Variants in C6orf89 observed in about 807,000 individuals in gnomAD.
C6orf89 encodes chromosome 6 open reading frame 89.
Under a neutral mutation model 40.7 loss-of-function variants are expected in C6orf89, and 29 were observed. That is an observed-to-expected ratio of 0.71 (90% confidence interval 0.53 to 0.97). The LOEUF (loss-of-function observed/expected upper bound fraction) is 0.97, where lower values mean the gene tolerates loss of function less well. Among genes scored for constraint, C6orf89 ranks in the 50% least tolerant of loss-of-function variants. The pLI is 0.00. For synonymous variants in C6orf89, 165 were observed against 152.2 expected (o/e 1.08, Z -0.62); for missense variants, 392 against 429.1 (o/e 0.91, Z 0.76).
upstream of C6orf89, among the ~76,000 whole-genome samples, chr6:36,884,563 G>A (rs1774910137): frequency 6.6e-6 from 1 of 152,192 alleles, no homozygotes; most frequent in Admixed American, 6.5e-5. This position sits in a 1 kb window ranked among gnomAD's most constrained non-coding sequence, Gnocchi z 4.0. Context: ...TGAAAGAAAT[G>A]TGTGACCATG....
At chr6:36,921,765 C>T (rs974146009) in intron 8 of C6orf89, among the ~76,000 whole-genome samples, 1 of 152,138 alleles carries the variant, frequency 6.6e-6, no homozygotes, top group Non-Finnish European at 1.5e-5. Context: ...GGGTAGCTCA[C>T]ACCTATAATC....
intron 1 of C6orf89, chr6:36,874,780 C>G (rs1195491799): frequency 6.2e-7 from 1 of 1,614,034 alleles, no homozygotes; most frequent in South Asian, 1.1e-5. Context: ...CATAGCGAAG[C>G]CGGCGGCGGA....
chr6:36,897,603 T>C (rs541678635), intron 2 of C6orf89, among the ~76,000 whole-genome samples: 2 of 152,300 alleles, frequency 1.3e-5, no homozygotes, highest in African/African-American at 4.8e-5. Context: ...CCATTAGAAG[T>C]CTTCTGATTC....
chr6:36,885,973 G>T lies in C6orf89; in HGVS notation c.-175G>T. ...AAACAGGAAGTTGCCCATCCTCCTC[G>T]CCCGGCGGCAGCTGTCCCCGAGGCG... On this transcript the variant is annotated 5_prime_UTR_variant, in exon 1 of 9. Transcript: ENST00000480824. 2.4e-6 allele frequency: 3 copies of T among 1,264,396 alleles called. No homozygotes were observed. Among genetic ancestry groups the T allele is most frequent in the Non-Finnish European group, 3.0e-6 (3 of 1,003,372 alleles). 78.3% of individuals were successfully genotyped at this position (1,264,396 alleles called of 1,614,324 possible). A position where few individuals can be genotyped will look rare whatever the true frequency, so the allele number is the denominator to read the frequency against.
intron 1 of C6orf89, chr6:36,874,790 A>T (rs370416380): frequency 2.7e-5 from 44 of 1,613,758 alleles, no homozygotes; most frequent in Non-Finnish European, 3.7e-5. Context: ...CCGGCGGCGG[A>T]ATGCTTGTCT....
intron 3 of C6orf89, 102 bp from the exon 4 acceptor site, chr6:36,902,119 C>T: frequency 1.1e-6 from 1 of 928,308 alleles, no homozygotes; most frequent in Admixed American, 2.1e-5. Flanking sequence ...GTTCTTAAGG[C>T]ACATTGGAAG....
chr6:36,885,548 C>CA (rs1449213566), upstream of C6orf89, among the ~76,000 whole-genome samples: 9 of 152,108 alleles, frequency 5.9e-5, no homozygotes, highest in Non-Finnish European at 1.3e-4. Flanking sequence ...GGGATTTGTT[C>CA]GTCTTTCTCA....
At chr6:36,873,447 C>A (rs1014172979) in intron 1 of C6orf89, among the ~76,000 whole-genome samples, 1 of 152,088 alleles carries the variant, frequency 6.6e-6, no homozygotes, top group Non-Finnish European at 1.5e-5. Context: ...ATCATATGAT[C>A]CCATTTTTTT....
chr6:36,899,610 C>T lies in C6orf89; in HGVS notation c.166C>T (p.Pro56Ser), dbSNP rs1761584555. 1.9e-6 allele frequency: 3 copies of T among 1,614,008 alleles called. No homozygotes were observed. Among genetic ancestry groups the T allele is most frequent in the African/African-American group, 1.3e-5 (1 of 74,898 alleles). Residue 56 changes from proline (P) to serine (S), a missense_variant, in exon 3 of 9, where the codon CCT (proline) becomes TCT (serine). Physicochemically the swap from Pro to Ser is moderately conservative, Grantham distance 74. Coordinates refer to ENST00000480824, the MANE Select transcript of C6orf89 (RefSeq NM_001286635.2). ...NEPQRPPPQY[P>S]LLIVVYKVLA... ...ACCTCAGAGACCCCCCCCGCAGTATCCTCTCCTTATAGTTGTGTATAAGGT... is the reference window on the plus strand; with the variant it reads ...ACCTCAGAGACCCCCCCCGCAGTATTCTCTCCTTATAGTTGTGTATAAGGT...
chr6:36,889,057 G>C lies in C6orf89; in HGVS notation c.-120+3029G>C, dbSNP rs182014672. On this transcript the variant is annotated intron_variant, in intron 1 of 8. Coordinates refer to ENST00000480824, the MANE Select transcript of C6orf89 (RefSeq NM_001286635.2). ...CTAGAGAGAGTTGTAGACTGGAGAAGAGATTTGGGAATCACCAATAGCTGG... is the reference window on the plus strand; with the variant it reads ...CTAGAGAGAGTTGTAGACTGGAGAACAGATTTGGGAATCACCAATAGCTGG... Among the ~76,000 whole-genome samples, 265 of 152,314 alleles carry C rather than the reference G, an allele frequency of 1.7e-3. 6 individuals carry two copies. Among genetic ancestry groups the C allele is most frequent in the Admixed American group, 0.017 (262 of 15,298 alleles).
At chr6:36,881,353 G>T (rs1223036489), upstream of C6orf89, among the ~76,000 whole-genome samples, 1 of 152,178 alleles carries the variant, frequency 6.6e-6, no homozygotes, top group Non-Finnish European at 1.5e-5. Flanking sequence ...CTAAAGGTTT[G>T]AACAAGTTGT....
At chr6:36,913,295 G>T (rs895759375) in intron 4 of C6orf89, among the ~76,000 whole-genome samples, 7 of 152,240 alleles carry the variant, frequency 4.6e-5, no homozygotes, top group African/African-American at 1.7e-4. Context: ...AGCATGTGGG[G>T]CTGGAAACTA....
At chr6:36,877,891 T>A (rs1774702648) in intron 1 of C6orf89, among the ~76,000 whole-genome samples, 1 of 152,264 alleles carries the variant, frequency 6.6e-6, no homozygotes, top group Non-Finnish European at 1.5e-5. Flanking sequence ...GGCTGTTTTC[T>A]TATTTGTAAA....
rs1359588601 is a variant in C6orf89, at chr6:36,925,186, GGCCGGCTTTGT to G, written c.*1748_*1758del. ...TTTTAAGTCAGAGGGATCATCTGGAGGCCGGCTTTGTGCAAGCTTTTACAGCCTTCTGCAGT... is the reference window on the plus strand; with the variant it reads ...TTTTAAGTCAGAGGGATCATCTGGAGGCAAGCTTTTACAGCCTTCTGCAGT... On this transcript the variant is annotated 3_prime_UTR_variant, in exon 9 of 9. Transcript: ENST00000480824. 6.6e-6 allele frequency: 1 copy of G among 152,184 alleles called. No individual in the cohort carries two copies. The highest frequency in any genetic ancestry group is 2.4e-5 in the African/African-American group (1 of 41,424). The allele number at this position is 152,184 out of a possible 1,614,324, so 9.4% of individuals were successfully genotyped here.
At chr6:36,914,790 G>C in intron 6 of C6orf89, 97 bp downstream of exon 6, 13 of 1,453,026 alleles carry the variant, frequency 8.9e-6, no homozygotes, top group Non-Finnish European at 1.2e-5. Context: ...AGGAGTTGCA[G>C]ACCAGCCTGG....
chr6:36,891,497 T>C (rs1332516681), intron 1 of C6orf89, among the ~76,000 whole-genome samples: 1 of 152,238 alleles, frequency 6.6e-6, no homozygotes, highest in African/African-American at 2.4e-5. Context: ...TATAATCCTT[T>C]GGGTATATAC....
Position 36,885,967 on chromosome 6 carries a change from C to G in C6orf89, c.-181C>G, listed in dbSNP as rs1015279000. 9 of 1,269,134 alleles carry G rather than the reference C, an allele frequency of 7.1e-6. No individual in the cohort carries two copies. The highest frequency in any genetic ancestry group is 9.0e-6 in the Non-Finnish European group (9 of 1,004,666). 78.6% of individuals were successfully genotyped at this position (1,269,134 alleles called of 1,614,324 possible). ...TCCCGGAAACAGGAAGTTGCCCATCCTCCTCGCCCGGCGGCAGCTGTCCCC... is the reference window on the plus strand; with the variant it reads ...TCCCGGAAACAGGAAGTTGCCCATCGTCCTCGCCCGGCGGCAGCTGTCCCC... On this transcript the variant is annotated 5_prime_UTR_variant, in exon 1 of 9. Transcript: ENST00000480824.
chr6:36,915,719 GT>G (rs1762290282), intron 6 of C6orf89, among the ~76,000 whole-genome samples: 1 of 151,562 alleles, frequency 6.6e-6, no homozygotes, highest in Non-Finnish European at 1.5e-5. Flanking sequence ...AAAAAAAAAG[GT>G]TGGGGGAGGG....
intron 3 of C6orf89, among the ~76,000 whole-genome samples, chr6:36,900,235 T>C (rs1012702564): frequency 6.9e-6 from 1 of 145,602 alleles, no homozygotes; most frequent in African/African-American, 2.6e-5. Flanking sequence ...GGAGTCACAC[T>C]CTGTTGCCCA....
Sources: gnomAD v4.1 joint callset for allele counts (sites outside exome capture counted in the v4.1 genomes callset) on GRCh38, gnomAD v4.1.1 for gene constraint, Gnocchi (gnomAD v3.1) non-coding constraint, MANE v1.5 for transcripts, NCBI Gene and HGNC (gene_info 2026-07-23, HGNC 2026-07-21) for gene names.